Variants in ACSBG2 observed in about 807,000 individuals in gnomAD.
ACSBG2 encodes long-chain-fatty-acid--CoA ligase ACSBG2.
A neutral mutation model predicts 74.7 loss-of-function variants in ACSBG2; 62 were observed. The ratio of observed to expected loss-of-function variants is 0.83; its 90% CI spans 0.68 to 1.03. The LOEUF is 1.03. Ranked by LOEUF, ACSBG2 falls within the 50% of genes least tolerant of loss-of-function variation. ACSBG2 has a pLI of 0.00. For missense variants in ACSBG2, 730 were observed against 817.6 expected, an observed-to-expected ratio of 0.89 and a Z score of 1.31; for synonymous variants, 309 against 294.1, an observed-to-expected ratio of 1.05 and a Z score of -0.52.
chr19:6,141,952 A>G (rs553986985), intron 2 of ACSBG2, among the ~76,000 whole-genome samples: 44 of 152,132 alleles, frequency 2.9e-4, no homozygotes, highest in African/African-American at 1.1e-3. Context: ...GCTGGTCTTG[A>G]ACTCCTGGGC....
At chr19:6,175,604 C>T (rs764553787) in intron 7 of ACSBG2, among the ~76,000 whole-genome samples, 10 of 152,058 alleles carry the variant, frequency 6.6e-5, no homozygotes, top group Non-Finnish European at 1.5e-4. Context: ...GGGGAATAGC[C>T]AGTCCAAAGG....
intron 14 of ACSBG2, chr19:6,191,189 A>G (rs1017867971): frequency 6.5e-6 from 1 of 153,564 alleles, no homozygotes; most frequent in Non-Finnish European, 1.4e-5. Context: ...TCCCCAAGAC[A>G]TGTGCAGAGG....
intron 7 of ACSBG2, among the ~76,000 whole-genome samples, chr19:6,170,979 T>C (rs1332669049): frequency 6.6e-6 from 1 of 152,066 alleles, no homozygotes; most frequent in Non-Finnish European, 1.5e-5. Context: ...CTTTGTCTTT[T>C]TTTTTTTCTT....
chr19:6,145,226 T>C (rs2088985265), intron 2 of ACSBG2, among the ~76,000 whole-genome samples: 2 of 151,978 alleles, frequency 1.3e-5, no homozygotes, highest in Admixed American at 1.3e-4. Flanking sequence ...GTGAAACTCA[T>C]CTCTACTAAA....
chr19:6,152,301 T>TTGTA (rs1424577463), intron 4 of ACSBG2, among the ~76,000 whole-genome samples: 4 of 71,352 alleles, frequency 5.6e-5, no homozygotes, highest in East Asian at 4.3e-4. Context: ...TTTTTTTTTT[T>TTGTA]GAGACGGAGT....
rs187491210 is a variant in ACSBG2, at chr19:6,176,867, G to A, written c.739-362G>A. ...TATTTAGCTAAATACATTTAAAATC[G>A]CCCTCCAGGCTGGGCATGGTCGCTC... On this transcript the variant is annotated intron_variant, in intron 7 of 14. Coordinates refer to ENST00000588485, the MANE Select transcript of ACSBG2 (RefSeq NM_030924.5). Among the ~76,000 whole-genome samples the A allele has an allele frequency of 6.0e-3, 919 of 152,034 alleles. 19 individuals are homozygous for A. Among genetic ancestry groups the A allele is most frequent in the Middle Eastern group, 0.01 (3 of 294 alleles).
In ACSBG2 at chr19:6,147,459, G is replaced by A. The variant is rs139328780; in HGVS notation, c.81G>A (p.Leu27=). The A allele has an allele frequency of 2.0e-4, 315 of 1,614,138 alleles. 2 individuals carry two copies. In the African/African-American group the frequency reaches 3.5e-3, roughly 18 times the overall value. The change falls in exon 3 of 15, where the codon CTG becomes CTA. Residue 27 remains leucine, a synonymous_variant. Transcript: ENST00000588485. ...GACTATTTGCAGTTACTCCCAGGCT[G>A]TGGACCACCTGTCGAGATGGAGAAG... ...DMNKTEVTPR[L]WTTCRDGEVL...
At chr19:6,157,087 C>T (rs1035109920) in intron 5 of ACSBG2, among the ~76,000 whole-genome samples, 3 of 152,112 alleles carry the variant, frequency 2.0e-5, no homozygotes, top group African/African-American at 4.8e-5. Flanking sequence ...GCTGGGACTA[C>T]AAGTGCCCAC....
intron 7 of ACSBG2, among the ~76,000 whole-genome samples, chr19:6,173,937 A>ATTTTTTT (rs56905660): frequency 3.8e-5 from 5 of 131,004 alleles, no homozygotes; most frequent in South Asian, 2.5e-4. Flanking sequence ...CTCTTGAACT[A>ATTTTTTT]TTTTTTTTTT....
intron 10 of ACSBG2, 55 bp from the exon 11 acceptor site, chr19:6,185,381 T>C (rs1304262827): frequency 6.3e-7 from 1 of 1,582,808 alleles, no homozygotes; most frequent in Non-Finnish European, 8.7e-7. Context: ...CAGGCAGAGC[T>C]GGGTGGCTGA....
At chr19:6,157,136 A>C (rs2089452391) in intron 5 of ACSBG2, among the ~76,000 whole-genome samples, 1 of 152,060 alleles carries the variant, frequency 6.6e-6, no homozygotes, top group East Asian at 1.9e-4. Flanking sequence ...TTTTAGTAGA[A>C]ACGGGGTTTC....
intron 6 of ACSBG2, among the ~76,000 whole-genome samples, chr19:6,162,257 T>C (rs1255743442): frequency 1.1e-5 from 1 of 91,408 alleles, no homozygotes. Flanking sequence ...AGAGTGAGAC[T>C]CTGTCTCAAA....
chr19:6,166,711 C>A (rs957914934), intron 7 of ACSBG2, among the ~76,000 whole-genome samples: 2 of 151,880 alleles, frequency 1.3e-5, no homozygotes, highest in Admixed American at 1.3e-4. Flanking sequence ...GCACTCCACT[C>A]ACTGCAACCA....
chr19:6,191,840 G>A (rs2090569921), intron 14 of ACSBG2: 1 of 152,046 alleles, frequency 6.6e-6, no homozygotes, highest in Non-Finnish European at 1.5e-5. Context: ...GATGTCTTGT[G>A]GGTGGGCCCA....
At chr19:6,187,002 GTT>G (rs1011907904) in intron 11 of ACSBG2, among the ~76,000 whole-genome samples, 1,405 of 130,644 alleles carry the variant, frequency 0.011, 22 homozygotes, top group African/African-American at 0.04. Context: ...TGGCCACTAG[GTT>G]TTTTTTTTTT....
chr19:6,136,273 T>C (rs2088562561), intron 1 of ACSBG2, among the ~76,000 whole-genome samples: 1 of 152,096 alleles, frequency 6.6e-6, no homozygotes, highest in South Asian at 2.1e-4. Flanking sequence ...TTGTATTTTT[T>C]AGTAGAGATG....
intron 12 of ACSBG2, 27 bp from the exon 13 acceptor site, chr19:6,187,572 G>T: frequency 6.2e-7 from 1 of 1,613,618 alleles, no homozygotes; most frequent in South Asian, 1.1e-5. Context: ...AAGGAGCATG[G>T]GTGGTGACAG....
At chr19:6,181,813 G>GCA (rs1271991609) in intron 8 of ACSBG2, among the ~76,000 whole-genome samples, 1 of 54,418 alleles carries the variant, frequency 1.8e-5, no homozygotes, top group Non-Finnish European at 3.4e-5. Context: ...GTCCCCACCC[G>GCA]CCCCCCCCCC....
chr19:6,177,415 C>T lies in ACSBG2; in HGVS notation c.906+19C>T, dbSNP rs975312509. The T allele has an allele frequency of 2.6e-6, 4 of 1,558,410 alleles. No homozygotes were observed. The African/African-American group carries it at 5.5e-5, about 21-fold the overall frequency. ...TCTCAAGGTAAGATTGAGTAAGGAC[C>T]TGGGGCTCCGACTTCATCCTCTTGG... On this transcript the variant is annotated intron_variant, in intron 8 of 14. Transcript: ENST00000588485.
Sources: allele counts gnomAD v4.1 joint callset (sites outside exome capture counted in the v4.1 genomes callset), GRCh38; gene constraint gnomAD v4.1.1; transcripts MANE v1.5; gene names NCBI Gene and HGNC (gene_info 2026-07-23, HGNC 2026-07-21).